The following BAX variants were observed in gnomAD, a reference collection of about 807,000 sequenced individuals.
BAX encodes BCL2 associated X, apoptosis regulator.
Under a neutral mutation model 26.8 loss-of-function variants are expected in BAX, and 21 were observed. The observed-to-expected ratio is 0.78, with a 90% CI of 0.56 to 1.13. The LOEUF (loss-of-function observed/expected upper bound fraction) is 1.13, where lower values mean the gene tolerates loss of function less well. Among genes scored for constraint, BAX ranks in the 50% most tolerant of loss-of-function variants. The pLI, the probability that BAX is intolerant of heterozygous loss-of-function variation, is 0.00. For missense variants in BAX, 236 were observed against 254.6 expected (o/e 0.93, Z 0.50); for synonymous variants, 110 against 101.8 (o/e 1.08, Z -0.49).
intron 4 of BAX, among the ~76,000 whole-genome samples, 187 bp from the exon 5 acceptor site, chr19:48,960,623 A>G (rs930040686): frequency 3.3e-5 from 5 of 152,344 alleles, no homozygotes; most frequent in Non-Finnish European, 5.9e-5. Flanking sequence ...TTGGCCTCCC[A>G]AAGTGCTGGG....
rs181512991 is a variant in BAX, at chr19:48,960,591, G to A, written c.370-219G>A. ...TTGGTCAGGCTGGTCTTGAACTCCC[G>A]ACCTCAAGTGATCCGCCTGCCTTGG... On this transcript the variant is annotated intron_variant, in intron 4 of 5. Transcript: ENST00000345358. 4.8e-3 allele frequency among the ~76,000 whole-genome samples: 727 copies of A among 152,318 alleles called. 4 individuals are homozygous for A. Among genetic ancestry groups the A allele is most frequent in the Middle Eastern group, 0.027 (8 of 294 alleles).
At chr19:48,960,366 G>GTATT (rs552221728) in intron 4 of BAX, 3 of 338,826 alleles carry the variant, frequency 8.9e-6, no homozygotes, top group African/African-American at 6.7e-5. Context: ...GCTAATTTTT[G>GTATT]TATTTATTTA....
At chr19:48,955,450 C>A (rs1233689053) in intron 1 of BAX, 98 bp from the exon 2 acceptor site, 2 of 1,400,548 alleles carry the variant, frequency 1.4e-6, no homozygotes, top group African/African-American at 2.9e-5. Context: ...TCCAGGGTCC[C>A]CAGCTCTGTC....
chr19:48,959,349 CAAAAAAAAAAA>C (rs71179067), intron 4 of BAX, among the ~76,000 whole-genome samples: 13 of 73,034 alleles, frequency 1.8e-4, no homozygotes, highest in African/African-American at 6.9e-4. Context: ...GACTCCGTCT[CAAAAAAAAAAA>C]AAAAAAAAAA....
At chr19:48,956,819 C>CTT (rs56251427) in intron 4 of BAX, among the ~76,000 whole-genome samples, 228 of 87,168 alleles carry the variant, frequency 2.6e-3, no homozygotes, top group East Asian at 4.5e-3. Flanking sequence ...TTATCCCTGG[C>CTT]TTTTTTTTTT....
intron 5 of BAX, 53 bp downstream of exon 5, chr19:48,960,967 C>T (rs137993558): frequency 1.5e-5 from 24 of 1,612,594 alleles, no homozygotes; most frequent in Non-Finnish European, 2.0e-5. Flanking sequence ...ACCACCGCCC[C>T]TGCCCCACCG....
At chr19:48,955,218 G>C in intron 1 of BAX, 3 of 440,762 alleles carry the variant, frequency 6.8e-6, no homozygotes, top group Non-Finnish European at 1.1e-5. Flanking sequence ...CCCCCGGGCA[G>C]GCCCGGGCTT....
In BAX at chr19:48,954,970, G is replaced by C; in HGVS notation, c.34+8G>C. 1 of 1,241,116 alleles carries C rather than the reference G, an allele frequency of 8.1e-7. No homozygotes were observed. Among genetic ancestry groups the C allele is most frequent in the Non-Finnish European group, 1.0e-6 (1 of 991,890 alleles). 76.9% of individuals were successfully genotyped at this position (1,241,116 alleles called of 1,614,324 possible). On this transcript the variant is annotated splice_region_variant and intron_variant, in intron 1 of 5. Transcript: ENST00000345358. ...AGCAGCCCAGAGGCGGGGGTGAGGC[G>C]GGAGGCAGACGGGCGGGAGGAGGGC...
chr19:48,956,150 A>G (rs2038119761), intron 3 of BAX, 48 bp from the exon 4 acceptor site: 3 of 1,469,524 alleles, frequency 2.0e-6, no homozygotes, highest in Admixed American at 5.1e-5. Flanking sequence ...ATTTTCCACC[A>G]TCAGCCTGAT....
At chr19:48,960,495 C>G (rs1165821747) in intron 4 of BAX, among the ~76,000 whole-genome samples, 1 of 152,220 alleles carries the variant, frequency 6.6e-6, no homozygotes, top group East Asian at 1.9e-4. Flanking sequence ...TCCCAAGTAG[C>G]TGGGATTACA....
In BAX at chr19:48,960,917, G is replaced by A. The variant is rs2038330551; in HGVS notation, c.474+3G>A. On this transcript the variant is annotated splice_donor_region_variant and intron_variant, in intron 5 of 5. Coordinates refer to ENST00000345358, the MANE Select transcript of BAX (RefSeq NM_138761.4). ...GGATCCAAGACCAGGGTGGTTGGGT[G>A]AGACTCCTCAAGCCTCCTCACCCCC... 1 of 1,613,890 alleles carries A rather than the reference G, an allele frequency of 6.2e-7. No individual in the cohort carries two copies. The highest frequency in any genetic ancestry group is 8.5e-7 in the Non-Finnish European group (1 of 1,179,972).
intron 4 of BAX, among the ~76,000 whole-genome samples, chr19:48,957,212 G>A (rs986605925): frequency 6.7e-6 from 1 of 149,536 alleles, no homozygotes; most frequent in African/African-American, 2.4e-5. Context: ...GCACAGTTGG[G>A]CAGGGGCAGA....
chr19:48,960,864 G>C lies in BAX; in HGVS notation c.424G>C (p.Asp142His), dbSNP rs1394502413. ...CAGAACCATCATGGGCTGGACATTG[G>C]ACTTCCTCCGGGAGCGGCTGTTGGG... ...LIRTIMGWTL[D>H]FLRERLLGWI... Residue 142 changes from aspartate to histidine, a missense_variant, in exon 5 of 6, where the codon GAC (aspartate) becomes CAC (histidine). Asp to His is a moderately conservative substitution (Grantham distance 81). Transcript: ENST00000345358. 6.2e-7 allele frequency: 1 copy of C among 1,614,152 alleles called. No homozygotes were observed. Among genetic ancestry groups the C allele is most frequent in the South Asian group, 1.1e-5 (1 of 91,076 alleles).
chr19:48,959,349 C>CAAAA (rs71179067), intron 4 of BAX, among the ~76,000 whole-genome samples: 29 of 73,020 alleles, frequency 4.0e-4, no homozygotes, highest in African/African-American at 4.0e-4. Context: ...GACTCCGTCT[C>CAAAA]AAAAAAAAAA....
intron 3 of BAX, 140 bp downstream of exon 3, chr19:48,955,973 C>T (rs2038113478): frequency 1.7e-6 from 2 of 1,186,788 alleles, no homozygotes; most frequent in East Asian, 2.7e-5. Flanking sequence ...GACTCCCAGC[C>T]CTCCTCTCTG....
intron 5 of BAX, 140 bp from the exon 6 acceptor site, chr19:48,961,391 TC>T: frequency 8.5e-7 from 1 of 1,178,994 alleles, no homozygotes; most frequent in South Asian, 1.5e-5. Flanking sequence ...CTGGCCTGAG[TC>T]CAGCTCTTTA....
At position 48,957,265 on chromosome 19, in the gene BAX, C is replaced by CTTTTTTTTTTTTTTTTTTT. The variant is rs61415800; in HGVS notation, c.369+941_369+959dup. 3.6e-5 allele frequency among the ~76,000 whole-genome samples: 2 copies of CTTTTTTTTTTTTTTTTTTT among 54,934 alleles called. 1 individual carries two copies. Among genetic ancestry groups the CTTTTTTTTTTTTTTTTTTT allele is most frequent in the African/African-American group, 1.6e-4 (2 of 12,712 alleles). 36.0% of individuals were successfully genotyped at this position (54,934 alleles called of 152,430 possible). A position where few individuals can be genotyped will look rare whatever the true frequency, so the allele number is the denominator to read the frequency against. On this transcript the variant is annotated intron_variant, in intron 4 of 5. Transcript: ENST00000345358. ...GGCTGCTGGAAAGACTTTTTCTTTT[C>CTTTTTTTTTTTTTTTTTTT]TTTTTTTTTTTTTTTTTTTTTTTTT...
chr19:48,960,259 TCTGGGCTCA>T (rs1396336089), intron 4 of BAX: 1 of 445,714 alleles, frequency 2.2e-6, no homozygotes, highest in Non-Finnish European at 4.5e-6. Context: ...AATGGCGTGA[TCTGGGCTCA>T]CTGCAACCTC....
intron 5 of BAX, chr19:48,961,318 C>A: frequency 7.4e-7 from 1 of 1,357,444 alleles, no homozygotes; most frequent in Non-Finnish European, 9.7e-7. Flanking sequence ...AACTCCTGGC[C>A]TCAAGCGATC....
Sources: allele counts gnomAD v4.1 joint callset (sites outside exome capture counted in the v4.1 genomes callset), GRCh38; gene constraint gnomAD v4.1.1; transcripts MANE v1.5; gene names NCBI Gene and HGNC (gene_info 2026-07-23, HGNC 2026-07-21).